RIF1: variants seen among roughly 807,000 people sequenced by gnomAD.
RIF1 encodes telomere-associated protein RIF1.
A neutral mutation model predicts 247.1 loss-of-function variants in RIF1; 45 were observed. The observed-to-expected ratio is 0.18, with a 90% confidence interval of 0.14 to 0.23. RIF1 has a LOEUF of 0.23. Among genes scored for constraint, RIF1 ranks in the 10% least tolerant of loss-of-function variants. RIF1 has a pLI of 1.00. For missense variants in RIF1, 2,967 were observed against 2,862.5 expected (o/e 1.04, Z -0.83); for synonymous variants, 1,087 against 978.8 (o/e 1.11, Z -2.06).
intron 30 of RIF1, among the ~76,000 whole-genome samples, chr2:151,466,590 A>C (rs1696931939): frequency 6.6e-6 from 1 of 151,878 alleles, no homozygotes; most frequent in African/African-American, 2.4e-5. Flanking sequence ...TGTAGATGTG[A>C]TCTTATTTAG....
At chr2:151,516,590 T>G in the RIF1 span, 1 of 1,437,652 alleles carries the variant, frequency 7.0e-7, no homozygotes, top group South Asian at 1.2e-5. Context: ...ATGTTAGATA[T>G]CTCTCCTCTG....
downstream of RIF1, chr2:151,485,671 GAGAACTTAGGTAAC>G (rs1264984711): frequency 7.8e-7 from 1 of 1,280,620 alleles, no homozygotes; most frequent in Non-Finnish European, 1.1e-6. Flanking sequence ...TAGGCAGCTT[GAGAACTTAGGTAAC>G]AGTGGAGAGT....
intron 6 of RIF1, among the ~76,000 whole-genome samples, chr2:151,417,424 G>A (rs1687394913): frequency 1.3e-5 from 2 of 152,116 alleles, no homozygotes; most frequent in African/African-American, 4.8e-5. Context: ...TGCTCTGATT[G>A]ATGCTAAGAT....
In RIF1 at chr2:151,422,766, C is replaced by T. The variant is rs529555320; in HGVS notation, c.694-184C>T. On this transcript the variant is annotated intron_variant, in intron 7 of 35. Transcript: ENST00000444746. ...AGGCCGAGGCAGGTGATTCTCCTGC[C>T]TCAGCCTCCCAAAGTGCTGGGATTA... is the stretch of plus-strand genomic sequence containing the variant. 8.9e-4 allele frequency among the ~76,000 whole-genome samples: 136 copies of T among 152,080 alleles called. 1 individual carries two copies. Among genetic ancestry groups the T allele is most frequent in the African/African-American group, 3.0e-3 (126 of 41,484 alleles).
chr2:151,417,716 T>G (rs1287468746), intron 6 of RIF1, among the ~76,000 whole-genome samples: 3 of 152,306 alleles, frequency 2.0e-5, no homozygotes, highest in Non-Finnish European at 4.4e-5. Context: ...TGGGAGGATG[T>G]GCGTAGGTTA....
At chr2:151,505,454 G>A (rs2153169666) in intron 12 of RIF1, 1 of 1,592,268 alleles carries the variant, frequency 6.3e-7, no homozygotes, top group East Asian at 2.2e-5. Context: ...TCACACAAAT[G>A]GAAGCTGAGA....
intron 7 of RIF1, 39 bp downstream of exon 7, chr2:151,420,418 A>G: frequency 6.3e-7 from 1 of 1,592,830 alleles, no homozygotes; most frequent in Non-Finnish European, 8.6e-7. Flanking sequence ...TGGATACTGC[A>G]TCGGAAGGTT....
the RIF1 span, chr2:151,531,104 GA>G: frequency 6.3e-7 from 1 of 1,585,950 alleles, no homozygotes; most frequent in Non-Finnish European, 8.6e-7. Flanking sequence ...TAAAGGATCT[GA>G]AAGATCAAAA....
chr2:151,521,856 T>C, the RIF1 span, among the ~76,000 whole-genome samples: 2 of 152,250 alleles, frequency 1.3e-5, no homozygotes, highest in African/African-American at 4.8e-5. Context: ...TCAGCACTTT[T>C]GGCCTTCCTT....
chr2:151,468,628 A>G lies in RIF1; in HGVS notation c.6826-13A>G. The stretch of plus-strand genomic sequence containing the variant: ...TTGACCTCTGTGTAACAGCTTCTGA[A>G]ATTTATTCTAAGATTTCAGAAATGG... On this transcript the variant is annotated splice_polypyrimidine_tract_variant and intron_variant, in intron 32 of 35. Transcript: ENST00000444746. 6.2e-7 allele frequency: 1 copy of G among 1,611,692 alleles called. No homozygotes were observed. The highest frequency in any genetic ancestry group is 8.5e-7 in the Non-Finnish European group (1 of 1,177,800).
intron 11 of RIF1, 152 bp downstream of exon 11, chr2:151,435,732 A>T (rs909616431): frequency 1.8e-6 from 1 of 562,116 alleles, no homozygotes; most frequent in Non-Finnish European, 3.2e-6. Flanking sequence ...TAGGTTCATT[A>T]CCAAAAAATC....
chr2:151,518,293 GA>G, the RIF1 span: 3 of 1,509,232 alleles, frequency 2.0e-6, no homozygotes, highest in Non-Finnish European at 1.8e-6. Flanking sequence ...TGCGCCAGAG[GA>G]AAAATCGGTC....
chr2:151,414,103 A>G (rs1178469656), intron 3 of RIF1, among the ~76,000 whole-genome samples: 1 of 152,138 alleles, frequency 6.6e-6, no homozygotes. Context: ...ACCTGAGGTC[A>G]GGAGTTTGAG....
chr2:151,493,926 T>C lies in RIF1; in HGVS notation c.*416-1303T>C, dbSNP rs1277678471. On this transcript the variant is annotated intron_variant and NMD_transcript_variant, in intron 9 of 13. Coordinates refer to the RIF1 transcript ENST00000454583. ...ACGAGGTAATAATCACTATTAATTATATTGCAAGTTGGGGGGAAATGTTAT... is the reference window on the plus strand; with the variant it reads ...ACGAGGTAATAATCACTATTAATTACATTGCAAGTTGGGGGGAAATGTTAT... 6 of 1,190,218 alleles carry C rather than the reference T, an allele frequency of 5.0e-6. No homozygotes were observed. The East Asian group carries it at 1.3e-4, about 25-fold the overall frequency. 73.7% of individuals were successfully genotyped at this position (1,190,218 alleles called of 1,614,324 possible). A position where few individuals can be genotyped will look rare whatever the true frequency, so the allele number is the denominator to read the frequency against.
the RIF1 span, chr2:151,529,117 G>T: frequency 4.9e-6 from 4 of 821,920 alleles, no homozygotes; most frequent in East Asian, 9.8e-5. Flanking sequence ...AATCACTAGA[G>T]CTGAATTGCC....
chr2:151,522,695 G>C, the RIF1 span, among the ~76,000 whole-genome samples: 1 of 152,210 alleles, frequency 6.6e-6, no homozygotes, highest in Admixed American at 6.5e-5. Flanking sequence ...AAGAATCAGA[G>C]GAAGACAGAA....
At chr2:151,486,920 T>G (rs1215514466), downstream of RIF1, among the ~76,000 whole-genome samples, 1 of 152,228 alleles carries the variant, frequency 6.6e-6, no homozygotes, top group Non-Finnish European at 1.5e-5. Context: ...CCAGAAGAGT[T>G]TTGAATACAG....
At chr2:151,518,370 G>A in the RIF1 span, 1 of 1,612,462 alleles carries the variant, frequency 6.2e-7, no homozygotes, top group Non-Finnish European at 8.5e-7. Context: ...CAGATTATCG[G>A]GTATGGTGTG....
intron 18 of RIF1, among the ~76,000 whole-genome samples, chr2:151,444,874 G>A (rs1421899857): frequency 6.6e-6 from 1 of 152,046 alleles, no homozygotes; most frequent in Non-Finnish European, 1.5e-5. Context: ...AAAACTACAG[G>A]GATTTATTCT....
Sources: allele counts gnomAD v4.1 joint callset (sites outside exome capture counted in the v4.1 genomes callset), GRCh38; gene constraint gnomAD v4.1.1; transcripts MANE v1.5; gene names NCBI Gene and HGNC (gene_info 2026-07-23, HGNC 2026-07-21).